The following DNAH9 variants were observed in gnomAD, a reference collection of about 807,000 sequenced individuals.
The protein encoded by DNAH9 is dynein axonemal heavy chain 9.
In DNAH9, 345 loss-of-function variants were observed where a neutral mutation model predicts 471.6. The observed-to-expected ratio is 0.73, with a 90% CI of 0.67 to 0.80. The LOEUF (loss-of-function observed/expected upper bound fraction) is 0.80. Ranked by LOEUF, DNAH9 falls within the 30% of genes least tolerant of loss-of-function variation. DNAH9 has a pLI of 0.00. For missense variants in DNAH9, 5,407 were observed against 5,609.2 expected (o/e 0.96, Z 1.15); for synonymous variants, 2,093 against 2,123.6 (o/e 0.99, Z 0.40).
At chr17:11,799,722 T>A (rs1969383564) in intron 43 of DNAH9, among the ~76,000 whole-genome samples, 1 of 152,160 alleles carries the variant, frequency 6.6e-6, no homozygotes, top group Admixed American at 6.5e-5. Context: ...TAGCTGGGAT[T>A]ACAGGTGCCC....
chr17:11,911,903 GA>G (rs142496624), intron 61 of DNAH9, among the ~76,000 whole-genome samples: 27,270 of 152,118 alleles, frequency 0.18, 2,696 homozygotes, highest in African/African-American at 0.26. Context: ...CAAACTTGCT[GA>G]AACTTTCTTG....
chr17:11,736,510 C>T (rs1160002522), intron 28 of DNAH9, among the ~76,000 whole-genome samples: 1 of 152,178 alleles, frequency 6.6e-6, no homozygotes, highest in African/African-American at 2.4e-5. Context: ...CTGAAAGACC[C>T]TCTGGCCTTT....
intron 67 of DNAH9, 138 bp from the exon 68 acceptor site, chr17:11,961,729 T>G: frequency 9.3e-7 from 1 of 1,075,516 alleles, no homozygotes; most frequent in Non-Finnish European, 1.3e-6. Flanking sequence ...ACCCCTGGAG[T>G]TTTATGTTCA....
At chr17:11,647,399 G>A (rs1332095967) in intron 12 of DNAH9, among the ~76,000 whole-genome samples, 1 of 152,014 alleles carries the variant, frequency 6.6e-6, no homozygotes, top group Non-Finnish European at 1.5e-5. Flanking sequence ...CAGCCTCCCA[G>A]CACAAAGACT....
intron 13 of DNAH9, 77 bp from the exon 14 acceptor site, chr17:11,652,682 CCT>C (rs1230253785): frequency 2.2e-6 from 3 of 1,345,550 alleles, no homozygotes; most frequent in Non-Finnish European, 3.1e-6. Context: ...GTATTAAATC[CCT>C]GTCTTTCATA....
rs778510475 is a variant in DNAH9, at chr17:11,608,162, C to A, written c.451C>A (p.Arg151Ser). ...ACCCGTCCTGGCCAATGAGAAGAAT[C>A]GCCTAAACTGGCCCCACATGATATG... ...VLPVLANEKNRLNWPHMICED... is the reference protein window; with the variant it reads ...VLPVLANEKNSLNWPHMICED... Residue 151 changes from arginine (R) to serine (S), a missense_variant, in exon 2 of 69, where the codon CGC (arginine) becomes AGC (serine). Arg to Ser is a moderately radical substitution (Grantham distance 110). Coordinates refer to ENST00000262442, the MANE Select transcript of DNAH9 (RefSeq NM_001372.4). 1.9e-6 allele frequency: 3 copies of A among 1,610,858 alleles called. No homozygotes were observed. Among genetic ancestry groups the A allele is most frequent in the South Asian group, 2.2e-5 (2 of 90,882 alleles).
chr17:11,969,569 G>C lies in DNAH9; in HGVS notation c.*42G>C. 6.5e-7 allele frequency: 1 copy of C among 1,527,202 alleles called. No individual in the cohort carries two copies. Among genetic ancestry groups the C allele is most frequent in the Non-Finnish European group, 8.8e-7 (1 of 1,137,128 alleles). The allele number at this position is 1,527,202 out of a possible 1,614,324, so 94.6% of individuals were successfully genotyped here. Reference sequence around the variant, plus strand: ...CGAGAAAATAAAAAAGCTGGGCTTGGAGGCTGCCTAGAGGGACAGGTGGGT... The same window carrying C: ...CGAGAAAATAAAAAAGCTGGGCTTGCAGGCTGCCTAGAGGGACAGGTGGGT... On this transcript the variant is annotated 3_prime_UTR_variant, in exon 69 of 69. Coordinates refer to ENST00000262442, the MANE Select transcript of DNAH9 (RefSeq NM_001372.4).
intron 14 of DNAH9, 87 bp downstream of exon 14, chr17:11,653,089 G>T (rs931755340): frequency 1.2e-5 from 17 of 1,377,846 alleles, no homozygotes; most frequent in Non-Finnish European, 1.5e-5. Flanking sequence ...GATTAGGACA[G>T]TCAGTAAGTG....
At chr17:11,918,527 A>G (rs1359817226) in intron 61 of DNAH9, among the ~76,000 whole-genome samples, 1 of 151,756 alleles carries the variant, frequency 6.6e-6, no homozygotes, top group Non-Finnish European at 1.5e-5. Context: ...CACCACACCC[A>G]GCCCTCTTTT....
At chr17:11,863,946 A>G (rs961794495) in intron 50 of DNAH9, among the ~76,000 whole-genome samples, 2 of 151,766 alleles carry the variant, frequency 1.3e-5, no homozygotes, top group African/African-American at 4.8e-5. Context: ...CGGTCTATCA[A>G]TTTTGTGGAT....
rs925074188 is a variant in DNAH9 at position 11,768,679 on chromosome 17, G to T, written c.7344+53G>T. 28 of 1,587,110 alleles carry T rather than the reference G, an allele frequency of 1.8e-5. No individual in the cohort carries two copies. In the South Asian group the frequency reaches 3.0e-4, roughly 17 times the overall value. ...TGCGTGCAGTTGCCCTCAAGGATCTGCAGTGGCTCCAGTAGCAGCCCCGCA... is the reference window on the plus strand; with the variant it reads ...TGCGTGCAGTTGCCCTCAAGGATCTTCAGTGGCTCCAGTAGCAGCCCCGCA... On this transcript the variant is annotated intron_variant, in intron 37 of 68. Coordinates refer to ENST00000262442, the MANE Select transcript of DNAH9 (RefSeq NM_001372.4).
At chr17:11,714,341 T>A (rs1424877997) in intron 26 of DNAH9, among the ~76,000 whole-genome samples, 1 of 152,216 alleles carries the variant, frequency 6.6e-6, no homozygotes, top group African/African-American at 2.4e-5. Context: ...ATTTTTTCAC[T>A]GTTAATATTA....
intron 36 of DNAH9, among the ~76,000 whole-genome samples, chr17:11,766,753 C>T (rs977030357): frequency 6.6e-6 from 1 of 151,994 alleles, no homozygotes; most frequent in Non-Finnish European, 1.5e-5. Context: ...TCATGAGGTC[C>T]GTAGTTCAAG....
At position 11,829,118 on chromosome 17, in the gene DNAH9, A is replaced by G. The variant is rs369070634; in HGVS notation, c.9247-5520A>G. Among the ~76,000 whole-genome samples, 4 of 152,352 alleles carry G rather than the reference A, an allele frequency of 2.6e-5. No individual in the cohort carries two copies. In the South Asian group the frequency reaches 6.2e-4, roughly 24 times the overall value. On this transcript the variant is annotated intron_variant, in intron 48 of 68. Transcript: ENST00000262442. ...CCATAAACACTTGGCAATGGTTATA[A>G]TAATGATTCTTCTAGTAAAAATGGT...
chr17:11,872,237 T>C (rs1213505286), intron 52 of DNAH9, among the ~76,000 whole-genome samples: 1 of 152,084 alleles, frequency 6.6e-6, no homozygotes, highest in Non-Finnish European at 1.5e-5. Flanking sequence ...CTCACAGATA[T>C]CCTTCGTCGG....
chr17:11,752,960 G>C lies in DNAH9; in HGVS notation c.6738G>C (p.Lys2246Asn), dbSNP rs1967221215. 5 of 1,580,154 alleles carry C rather than the reference G, an allele frequency of 3.2e-6. No homozygotes were observed. Among genetic ancestry groups the C allele is most frequent in the Non-Finnish European group, 4.3e-6 (5 of 1,163,880 alleles). The change falls in exon 33 of 69, where the codon AAG becomes AAC. Residue 2246 changes from lysine (K) to asparagine (N), a missense_variant and splice_region_variant. Lys to Asn is a moderately conservative substitution (Grantham distance 94). Transcript: ENST00000262442. The part of the protein sequence containing the change: ...ESLNTVMDDN[K>N]VLTLASNERI... ...TGAATACTGTCATGGATGATAACAA[G>C]GTATGAAATTGGGGGATATCCCTAG...
At position 11,598,802 on chromosome 17, in the gene DNAH9, T is replaced by G. The variant is rs887783566; in HGVS notation, c.304T>G (p.Phe102Val). 2 of 1,480,664 alleles carry G rather than the reference T, an allele frequency of 1.4e-6. No individual in the cohort carries two copies. The highest frequency in any genetic ancestry group is 2.9e-5 in the African/African-American group (2 of 68,314). 91.7% of individuals were successfully genotyped at this position (1,480,664 alleles called of 1,614,324 possible). A position where few individuals can be genotyped will look rare whatever the true frequency, so the allele number is the denominator to read the frequency against. The part of the protein sequence containing the change: ...ESGLAGAKAL[F>V]FLRTGPEPPG... Reference sequence around the variant, plus strand: ...GGGCCTGGCTGGCGCTAAGGCGCTTTTTTTCCTTCGCACCGGGCCCGAGCC... The same window carrying G: ...GGGCCTGGCTGGCGCTAAGGCGCTTGTTTTCCTTCGCACCGGGCCCGAGCC... Residue 102 changes from phenylalanine (F) to valine (V), a missense_variant, in exon 1 of 69, where the codon TTT becomes GTT. Coordinates refer to ENST00000262442, the MANE Select transcript of DNAH9 (RefSeq NM_001372.4).
intron 23 of DNAH9, among the ~76,000 whole-genome samples, chr17:11,700,207 G>A (rs754539164): frequency 5.9e-5 from 9 of 152,288 alleles, no homozygotes; most frequent in South Asian, 2.1e-4. Context: ...ACCAGGAGAC[G>A]TCAACATGGC....
chr17:11,937,611 T>G lies in DNAH9; in HGVS notation c.12660+89T>G. 2 of 1,435,712 alleles carry G rather than the reference T, an allele frequency of 1.4e-6. No homozygotes were observed. Among genetic ancestry groups the G allele is most frequent in the Non-Finnish European group, 1.9e-6 (2 of 1,075,580 alleles). 88.9% of individuals were successfully genotyped at this position (1,435,712 alleles called of 1,614,324 possible). On this transcript the variant is annotated intron_variant, in intron 66 of 68. Coordinates refer to ENST00000262442, the MANE Select transcript of DNAH9 (RefSeq NM_001372.4). This position sits in a 1 kb window ranked among gnomAD's most constrained non-coding sequence, Gnocchi z 4.1. ...TTTCTCCTGCTGGCCATTTTGGCAG[T>G]ACACAGCATAGACAACACACAAAGC...
Sources: gnomAD v4.1 joint callset for allele counts (sites outside exome capture counted in the v4.1 genomes callset) on GRCh38, gnomAD v4.1.1 for gene constraint, Gnocchi (gnomAD v3.1) non-coding constraint, MANE v1.5 for transcripts, NCBI Gene and HGNC (gene_info 2026-07-23, HGNC 2026-07-21) for gene names.